Variants in RNMT observed in about 807,000 individuals in gnomAD.
RNMT encodes mRNA cap guanine-N(7) methyltransferase.
A neutral mutation model predicts 56.0 loss-of-function variants in RNMT; 27 were observed. The ratio of observed to expected loss-of-function variants is 0.48; its 90% CI spans 0.36 to 0.67. The LOEUF is 0.67. RNMT is among the 30% of genes least tolerant of loss of function. RNMT has a pLI of 0.00. For missense variants in RNMT, 519 were observed against 552.1 expected, an observed-to-expected ratio of 0.94 and a Z score of 0.60; for synonymous variants, 184 against 176.2, an observed-to-expected ratio of 1.04 and a Z score of -0.35.
In RNMT at chr18:13,731,563, G is replaced by A; in HGVS notation, c.46G>A (p.Glu16Lys). ...AGAAGAATATGAAAAGATGTCTCTTGAACAGGCAAAAGCGTCAGTGAATTC... is the reference window on the plus strand; with the variant it reads ...AGAAGAATATGAAAAGATGTCTCTTAAACAGGCAAAAGCGTCAGTGAATTC... ...KAEEYEKMSLEQAKASVNSET... is the reference protein window; with the variant it reads ...KAEEYEKMSLKQAKASVNSET... Residue 16 changes from glutamate to lysine, a missense_variant, in exon 3 of 12, where the codon GAA (glutamate) becomes AAA (lysine). By Grantham distance (56) the Glu-to-Lys change is moderately conservative. Transcript: ENST00000383314. 6.2e-7 allele frequency: 1 copy of A among 1,609,838 alleles called. No individual in the cohort carries two copies. The highest frequency in any genetic ancestry group is 8.5e-7 in the Non-Finnish European group (1 of 1,178,954).
intron 9 of RNMT, among the ~76,000 whole-genome samples, 180 bp downstream of exon 9, chr18:13,746,517 A>G (rs1316953311): frequency 6.6e-6 from 1 of 152,238 alleles, no homozygotes; most frequent in African/African-American, 2.4e-5. Flanking sequence ...TGATGAAAGA[A>G]TGAGTACTGG....
At chr18:13,755,540 G>A (rs1297506103) in intron 11 of RNMT, among the ~76,000 whole-genome samples, 1 of 152,184 alleles carries the variant, frequency 6.6e-6, no homozygotes, top group Non-Finnish European at 1.5e-5. Context: ...TTTCATGGAA[G>A]CCTGGCAAAA....
At chr18:13,741,054 A>G (rs1200594013) in intron 6 of RNMT, among the ~76,000 whole-genome samples, 4 of 152,234 alleles carry the variant, frequency 2.6e-5, no homozygotes, top group African/African-American at 4.8e-5. Flanking sequence ...CTGAACTGTT[A>G]TAGATACCTT....
In RNMT at chr18:13,761,095, A is replaced by G. The variant is rs2044613769; in HGVS notation, c.*1116A>G. 1 of 984,976 alleles carries G rather than the reference A, an allele frequency of 1.0e-6. No individual in the cohort carries two copies. Among genetic ancestry groups the G allele is most frequent in the Non-Finnish European group, 1.2e-6 (1 of 829,474 alleles). 61.0% of individuals were successfully genotyped at this position (984,976 alleles called of 1,614,324 possible). On this transcript the variant is annotated 3_prime_UTR_variant, in exon 12 of 12. Transcript: ENST00000383314. ...TTATTAAGCCATGATTTACAAAAAC[A>G]TTACTTTCTGTAATTCACAATACTT...
At position 13,744,159 on chromosome 18, in the gene RNMT, C is replaced by CTTTTTTTTTTTTTTTTTTTTTTT. The variant is rs201093998; in HGVS notation, c.1139+1511_1139+1533dup. On this transcript the variant is annotated intron_variant, in intron 8 of 11. Coordinates refer to ENST00000383314, the MANE Select transcript of RNMT (RefSeq NM_003799.3). Reference sequence around the variant, plus strand: ...ATGCTAAACAAGACCTAGCGGTCTTCTTTTTTTTTTTTTTTTTTTTTTTTT... The same window carrying CTTTTTTTTTTTTTTTTTTTTTTT: ...ATGCTAAACAAGACCTAGCGGTCTTCTTTTTTTTTTTTTTTTTTTTTTTTTTTTTTTTTTTTTTTTTTTTTTTT... 4.3e-4 allele frequency among the ~76,000 whole-genome samples: 39 copies of CTTTTTTTTTTTTTTTTTTTTTTT among 91,414 alleles called. 5 individuals are homozygous for CTTTTTTTTTTTTTTTTTTTTTTT. The highest frequency in any genetic ancestry group is 6.1e-4 in the Non-Finnish European group (28 of 45,814). The allele number at this position is 91,414 out of a possible 152,430, so 60.0% of individuals were successfully genotyped here. A position where few individuals can be genotyped will look rare whatever the true frequency, so the allele number is the denominator to read the frequency against.
In RNMT at chr18:13,761,864, A is replaced by ACCCC; in HGVS notation, c.*1885_*1886insCCCC. On this transcript the variant is annotated 3_prime_UTR_variant, in exon 12 of 12. Transcript: ENST00000383314. ...CTACACCCCCCTCCCCCCGGCCCCA[A>ACCCC]GCCCCTGTGTCTCCTTGTTACAATT... 1 of 872,656 alleles carries ACCCC rather than the reference A, an allele frequency of 1.1e-6. No homozygotes were observed. The highest frequency in any genetic ancestry group is 3.8e-5 in the South Asian group (1 of 26,366). The allele number at this position is 872,656 out of a possible 1,614,324, so 54.1% of individuals were successfully genotyped here. A position where few individuals can be genotyped will look rare whatever the true frequency, so the allele number is the denominator to read the frequency against.
intron 8 of RNMT, among the ~76,000 whole-genome samples, chr18:13,743,349 T>G (rs865843752): frequency 6.9e-6 from 1 of 144,804 alleles, no homozygotes; most frequent in Non-Finnish European, 1.5e-5. Context: ...AATAAATAAA[T>G]AAATAAATAA....
chr18:13,738,003 G>GAATC (rs991658268), intron 5 of RNMT, among the ~76,000 whole-genome samples: 1 of 151,482 alleles, frequency 6.6e-6, no homozygotes, highest in Non-Finnish European at 1.5e-5. Flanking sequence ...GTAACGCAAT[G>GAATC]AATCAATCAA....
Position 13,754,176 on chromosome 18 carries a change from G to A in RNMT, c.1393+29G>A, listed in dbSNP as rs373799480. The A allele has an allele frequency of 1.2e-4, 171 of 1,473,466 alleles. No individual in the cohort carries two copies. The Middle Eastern group carries it at 1.4e-3, about 12-fold the overall frequency. 91.3% of individuals were successfully genotyped at this position (1,473,466 alleles called of 1,614,324 possible). On this transcript the variant is annotated intron_variant, in intron 11 of 11. Transcript: ENST00000383314. ...AGTATATCATCAGCATAGATTAACT[G>A]ATAATTTCAAAAGTCCTGTTTCAAA...
chr18:13,750,664 T>G (rs572951766), intron 9 of RNMT, among the ~76,000 whole-genome samples: 1 of 152,064 alleles, frequency 6.6e-6, no homozygotes, highest in Non-Finnish European at 1.5e-5. Flanking sequence ...TTAGCCAGCA[T>G]AGTGGCTTGT....
chr18:13,754,022 CTT>C (rs2044501120), intron 10 of RNMT, 90 bp from the exon 11 acceptor site: 1 of 689,016 alleles, frequency 1.5e-6, no homozygotes, highest in Non-Finnish European at 2.5e-6. Context: ...AAGTTAGGGT[CTT>C]TTGGCCATCT....
chr18:13,747,264 C>G (rs1445663022), intron 9 of RNMT, among the ~76,000 whole-genome samples: 1 of 150,288 alleles, frequency 6.7e-6, no homozygotes, highest in Non-Finnish European at 1.5e-5. Context: ...CTCTGTTGCC[C>G]AGGCTGGAGT....
At chr18:13,737,573 C>T (rs1170264756) in intron 5 of RNMT, among the ~76,000 whole-genome samples, 1 of 151,918 alleles carries the variant, frequency 6.6e-6, no homozygotes, top group Admixed American at 6.6e-5. Context: ...CAAGACTTTC[C>T]TGATAGTTTC....
intron 3 of RNMT, among the ~76,000 whole-genome samples, chr18:13,733,095 T>C (rs1268760362): frequency 6.6e-6 from 1 of 152,034 alleles, no homozygotes; most frequent in African/African-American, 2.4e-5. Context: ...TTTCAAACTT[T>C]TACTAGCCCC....
At chr18:13,730,270 T>A (rs2044044370) in intron 1 of RNMT, among the ~76,000 whole-genome samples, 1 of 152,168 alleles carries the variant, frequency 6.6e-6, no homozygotes, top group African/African-American at 2.4e-5. Flanking sequence ...TTAATGTAGG[T>A]CTAAAAACAT....
At chr18:13,730,190 T>A (rs1267747535) in intron 1 of RNMT, among the ~76,000 whole-genome samples, 1 of 152,240 alleles carries the variant, frequency 6.6e-6, no homozygotes, top group Non-Finnish European at 1.5e-5. Context: ...ATTTGTTGAA[T>A]GGCTTAATAA....
chr18:13,733,113 C>G (rs2044101163), intron 3 of RNMT, among the ~76,000 whole-genome samples: 1 of 152,018 alleles, frequency 6.6e-6, no homozygotes, highest in Non-Finnish European at 1.5e-5. Flanking sequence ...CCCAGAACCC[C>G]TTTTTCAACT....
intron 3 of RNMT, among the ~76,000 whole-genome samples, chr18:13,734,005 G>A (rs2044117767): frequency 6.6e-6 from 1 of 152,214 alleles, no homozygotes; most frequent in African/African-American, 2.4e-5. Context: ...GGGACCTGAT[G>A]TGAGATAATT....
At position 13,741,672 on chromosome 18, in the gene RNMT, C is replaced by G. The variant is rs2044254044; in HGVS notation, c.955C>G (p.Pro319Ala). Residue 319 changes from proline to alanine, a missense_variant, in exon 7 of 12, where the codon CCC (proline) becomes GCC (alanine). Physicochemically the swap from Pro to Ala is conservative, Grantham distance 27. Coordinates refer to ENST00000383314, the MANE Select transcript of RNMT (RefSeq NM_003799.3). Reference sequence around the variant, plus strand: ...TGGGGGCTATTTTATTGGTACTACTCCCAATAGCTTTGAATTGATGTAAGT... The same window carrying G: ...TGGGGGCTATTTTATTGGTACTACTGCCAATAGCTTTGAATTGATGTAAGT... ...SPGGYFIGTT[P>A]NSFELIRRLE... is the part of the protein sequence containing the mutation. 2 of 1,605,376 alleles carry G rather than the reference C, an allele frequency of 1.2e-6. No individual in the cohort carries two copies. The highest frequency in any genetic ancestry group is 1.1e-5 in the South Asian group (1 of 89,608).
Sources: gnomAD v4.1 joint callset for allele counts (sites outside exome capture counted in the v4.1 genomes callset) on GRCh38, gnomAD v4.1.1 for gene constraint, MANE v1.5 for transcripts, NCBI Gene and HGNC (gene_info 2026-07-23, HGNC 2026-07-21) for gene names.